The following LGR4 variants were observed in gnomAD, a reference collection of about 807,000 sequenced individuals.
LGR4 encodes the protein leucine rich repeat containing G protein-coupled receptor 4.
In LGR4, 44 loss-of-function variants were observed where a neutral mutation model predicts 84.8. The observed-to-expected ratio is 0.52, with a 90% confidence interval of 0.41 to 0.67. The LOEUF is 0.67. Among genes scored for constraint, LGR4 ranks in the 30% least tolerant of loss-of-function variants. The pLI is 0.00. For missense variants in LGR4, 1,032 were observed against 1,131.4 expected, an observed-to-expected ratio of 0.91 and a Z score of 1.26; for synonymous variants, 429 against 434.3, an observed-to-expected ratio of 0.99 and a Z score of 0.15.
At chr11:27,464,532 G>C (rs1474863379) in intron 1 of LGR4, among the ~76,000 whole-genome samples, 1 of 152,096 alleles carries the variant, frequency 6.6e-6, no homozygotes, top group Non-Finnish European at 1.5e-5. Flanking sequence ...GGGGAGTTTC[G>C]ATGTCACCAC....
chr11:27,451,065 T>C (rs1012869297), intron 1 of LGR4, among the ~76,000 whole-genome samples: 7 of 152,204 alleles, frequency 4.6e-5, no homozygotes, highest in Non-Finnish European at 1.0e-4. Context: ...TTAAAAACAC[T>C]ACAGTTTTTA....
intron 1 of LGR4, among the ~76,000 whole-genome samples, chr11:27,414,814 C>T (rs1404410899): frequency 6.6e-6 from 1 of 152,104 alleles, no homozygotes; most frequent in African/African-American, 2.4e-5. Flanking sequence ...CGATAGTGGG[C>T]CTCCATCTGC....
At chr11:27,375,436 T>A (rs1297413355) in intron 13 of LGR4, among the ~76,000 whole-genome samples, 1 of 152,094 alleles carries the variant, frequency 6.6e-6, no homozygotes, top group Non-Finnish European at 1.5e-5. Context: ...CTTATGAGAG[T>A]ACCTGGAACA....
At chr11:27,369,220 GA>G in intron 17 of LGR4, 77 bp from the exon 18 acceptor site, 1 of 1,136,882 alleles carries the variant, frequency 8.8e-7, no homozygotes, top group Middle Eastern at 3.0e-4. Flanking sequence ...TGGCTTGATA[GA>G]AAAACTAATG....
chr11:27,422,113 T>C (rs1434199645), intron 1 of LGR4, among the ~76,000 whole-genome samples: 1 of 152,200 alleles, frequency 6.6e-6, no homozygotes, highest in Non-Finnish European at 1.5e-5. Flanking sequence ...AAAATACTAT[T>C]TCAATAGTCC....
At chr11:27,383,298 C>T (rs1270816846) in intron 6 of LGR4, among the ~76,000 whole-genome samples, 2 of 152,120 alleles carry the variant, frequency 1.3e-5, no homozygotes, top group Non-Finnish European at 2.9e-5. Flanking sequence ...ATTTTGGTTT[C>T]CTTTTCCTTT....
In LGR4 at chr11:27,392,460, C is replaced by T; in HGVS notation, c.316G>A (p.Glu106Lys). The T allele has an allele frequency of 1.3e-6, 2 of 1,591,948 alleles. No individual in the cohort carries two copies. Among genetic ancestry groups the T allele is most frequent in the Non-Finnish European group, 1.7e-6 (2 of 1,172,748 alleles). ...TGCATTACTTACAGAACTTTGAGTT[C>T]TTTCAACCCAGACAAGGCCTTTGGG... ...IHPKALSGLKELKVLTLQNNQ... is the reference protein window; with the variant it reads ...IHPKALSGLKKLKVLTLQNNQ... The change falls in exon 3 of 18, where the codon GAA (glutamate) becomes AAA (lysine). Residue 106 changes from glutamate (E) to lysine (K), a missense_variant. Physicochemically the swap from Glu to Lys is moderately conservative, Grantham distance 56. Transcript: ENST00000379214.
In LGR4 at chr11:27,372,528, G is replaced by C. The variant is rs144434917; in HGVS notation, c.1380-130C>G. 439 of 598,516 alleles carry C rather than the reference G, an allele frequency of 7.3e-4. No individual in the cohort carries two copies. In the East Asian group the frequency reaches 0.01, roughly 14 times the overall value. The allele number at this position is 598,516 out of a possible 1,614,324, so 37.1% of individuals were successfully genotyped here. A position where few individuals can be genotyped will look rare whatever the true frequency, so the allele number is the denominator to read the frequency against. On this transcript the variant is annotated intron_variant, in intron 15 of 17. Coordinates refer to ENST00000379214, the MANE Select transcript of LGR4 (RefSeq NM_018490.5). ...AAAGATCTGTCATGTGCTTTAGGCTGGTCGTTCATCCTCTCTGGGCCTCAG... is the reference window on the plus strand; with the variant it reads ...AAAGATCTGTCATGTGCTTTAGGCTCGTCGTTCATCCTCTCTGGGCCTCAG...
chr11:27,445,072 C>T (rs1864366467), intron 1 of LGR4, among the ~76,000 whole-genome samples: 1 of 152,216 alleles, frequency 6.6e-6, no homozygotes, highest in African/African-American at 2.4e-5. Context: ...CTACAGAAGA[C>T]TAAATGACCC....
chr11:27,440,962 C>T (rs921563880), intron 1 of LGR4, among the ~76,000 whole-genome samples: 4 of 152,104 alleles, frequency 2.6e-5, no homozygotes, highest in African/African-American at 9.7e-5. Context: ...AACCACTGCC[C>T]GGCTCTCACA....
intron 9 of LGR4, 102 bp from the exon 10 acceptor site, chr11:27,380,441 C>A: frequency 1.2e-6 from 1 of 813,924 alleles, no homozygotes; most frequent in Non-Finnish European, 2.0e-6. Context: ...AAAAATAAAA[C>A]TAGTTTCATC....
At chr11:27,471,395 C>T (rs1343290072) in intron 1 of LGR4, among the ~76,000 whole-genome samples, 1 of 152,242 alleles carries the variant, frequency 6.6e-6, no homozygotes, top group African/African-American at 2.4e-5. Context: ...CTCAGGTCAG[C>T]ATTCCTTCTT....
In LGR4 at chr11:27,369,098, C is replaced by G; in HGVS notation, c.1625G>C (p.Arg542Pro). 1 of 1,611,914 alleles carries G rather than the reference C, an allele frequency of 6.2e-7. No individual in the cohort carries two copies. The highest frequency in any genetic ancestry group is 8.5e-7 in the Non-Finnish European group (1 of 1,179,432). The stretch of plus-strand genomic sequence containing the variant: ...CAAGAAAATGAACCACACAGTAAGA[C>G]GAATCATCCAGCTTCCCAGTAAATA... Reference protein sequence around the residue: ...CEYLLGSWMIRLTVWFIFLVA... With the variant: ...CEYLLGSWMIPLTVWFIFLVA... Residue 542 changes from arginine (R) to proline (P), a missense_variant, in exon 18 of 18, where the codon CGT becomes CCT. Physicochemically the swap from Arg to Pro is moderately radical, Grantham distance 103 (BLOSUM62 -2). Coordinates refer to ENST00000379214, the MANE Select transcript of LGR4 (RefSeq NM_018490.5).
chr11:27,368,161 G>A lies in LGR4; in HGVS notation c.2562C>T (p.Asn854=), dbSNP rs150071064. 5.8e-5 allele frequency: 93 copies of A among 1,614,220 alleles called. 1 individual carries two copies. The East Asian group carries it at 1.8e-3, about 32-fold the overall frequency. The change falls in exon 18 of 18, where the codon AAC becomes AAT. Residue 854 remains asparagine (N), a synonymous_variant. Coordinates refer to ENST00000379214, the MANE Select transcript of LGR4 (RefSeq NM_018490.5). The part of the protein sequence containing the change: ...DCGMYSHLQG[N]LTVCDCCESF... ...ATTCGCAGCAGTCGCAAACAGTCAG[G>A]TTGCCCTGCAAATGTGAGTACATGC...
intron 1 of LGR4, among the ~76,000 whole-genome samples, chr11:27,456,874 T>C (rs1720259269): frequency 6.6e-6 from 1 of 151,062 alleles, no homozygotes; most frequent in South Asian, 2.1e-4. Flanking sequence ...CTAAATCAAG[T>C]CATAGTCTCC....
chr11:27,426,735 T>A (rs1383204631), intron 1 of LGR4, among the ~76,000 whole-genome samples: 1 of 152,198 alleles, frequency 6.6e-6, no homozygotes, highest in Non-Finnish European at 1.5e-5. Flanking sequence ...AATCTCACCA[T>A]CTCATTTTAA....
chr11:27,434,747 G>A (rs1372178277), intron 1 of LGR4, among the ~76,000 whole-genome samples: 1 of 152,048 alleles, frequency 6.6e-6, no homozygotes, highest in African/African-American at 2.4e-5. Flanking sequence ...CCACACAACT[G>A]GAGAGACCAA....
At chr11:27,392,794 C>T (rs1043851195) in intron 2 of LGR4, among the ~76,000 whole-genome samples, 6 of 151,978 alleles carry the variant, frequency 3.9e-5, no homozygotes, top group Non-Finnish European at 7.4e-5. Context: ...CACATTAAAC[C>T]AAATTAAGTT....
At chr11:27,422,071 A>G (rs1333008138) in intron 1 of LGR4, among the ~76,000 whole-genome samples, 1 of 152,174 alleles carries the variant, frequency 6.6e-6, no homozygotes, top group Non-Finnish European at 1.5e-5. Flanking sequence ...CGATGACAAA[A>G]CAGTGTTTAT....
Sources: allele counts gnomAD v4.1 joint callset (sites outside exome capture counted in the v4.1 genomes callset), GRCh38; gene constraint gnomAD v4.1.1; transcripts MANE v1.5; gene names NCBI Gene and HGNC (gene_info 2026-07-23, HGNC 2026-07-21).